Variants in GPHN observed in about 807,000 individuals in gnomAD.
The protein encoded by GPHN is gephyrin.
GPHN carries 17 observed loss-of-function variants against 95.5 expected under a neutral mutation model. The observed-to-expected ratio is 0.18, with a 90% CI of 0.12 to 0.27. GPHN has a LOEUF of 0.27. Among genes scored for constraint, GPHN ranks in the 10% least tolerant of loss-of-function variants. The probability of loss-of-function intolerance (pLI) is 1.00; values close to 1 mark genes in which losing one functional copy is unlikely to be tolerated. For synonymous variants in GPHN, 320 were observed against 322.5 expected, an observed-to-expected ratio of 0.99 and a Z score of 0.08; for missense variants, 660 against 978.1, an observed-to-expected ratio of 0.67 and a Z score of 4.34.
intron 20 of GPHN, among the ~76,000 whole-genome samples, chr14:67,167,929 AC>A (rs971325598): frequency 6.6e-6 from 1 of 152,124 alleles, no homozygotes; most frequent in African/African-American, 2.4e-5. Context: ...TTCACAGCCC[AC>A]CCTTCCTCCT....
At chr14:67,535,224 C>T in the GPHN span, among the ~76,000 whole-genome samples, 1 of 152,260 alleles carries the variant, frequency 6.6e-6, no homozygotes, top group Admixed American at 6.5e-5. Context: ...GTGGTTGCCG[C>T]TGGGGAGAAC....
the GPHN span, chr14:67,312,040 G>A: frequency 6.6e-6 from 1 of 152,588 alleles, no homozygotes; most frequent in Non-Finnish European, 1.5e-5. Flanking sequence ...TAGTAGCTGT[G>A]GTTTGGAAAT....
intron 8 of GPHN, among the ~76,000 whole-genome samples, chr14:66,932,467 T>TTTTG (rs2066874592): frequency 2.9e-5 from 4 of 136,410 alleles, no homozygotes; most frequent in Non-Finnish European, 6.3e-5. Context: ...TTTTTTTTTT[T>TTTTG]TTTTTTTTTT....
At chr14:67,141,233 A>G (rs565322701) in intron 17 of GPHN, among the ~76,000 whole-genome samples, 4 of 152,308 alleles carry the variant, frequency 2.6e-5, no homozygotes, top group East Asian at 3.9e-4. Context: ...CAGACCCTGT[A>G]AGAGAACCTC....
At chr14:67,570,332 T>A in the GPHN span, 13 of 1,055,510 alleles carry the variant, frequency 1.2e-5, no homozygotes, top group South Asian at 3.3e-4. Context: ...CTTCTAGAAT[T>A]ACTGAGGTAT....
intron 2 of GPHN, among the ~76,000 whole-genome samples, chr14:66,751,905 G>A (rs533847534): frequency 6.6e-6 from 1 of 152,152 alleles, no homozygotes; most frequent in South Asian, 2.1e-4. Flanking sequence ...ATTTAAGGTT[G>A]TCTTATCTAC....
At chr14:67,463,741 G>T in the GPHN span, among the ~76,000 whole-genome samples, 1 of 152,030 alleles carries the variant, frequency 6.6e-6, no homozygotes, top group Non-Finnish European at 1.5e-5. Flanking sequence ...CTCAGCCTAG[G>T]GGGAGGCTAG....
At chr14:66,962,276 C>T (rs2153585789) in intron 8 of GPHN, among the ~76,000 whole-genome samples, 1 of 150,628 alleles carries the variant, frequency 6.6e-6, no homozygotes. Flanking sequence ...ATTTCTGTAA[C>T]TTCAACAACT....
chr14:66,686,796 G>A (rs1595550317), intron 2 of GPHN, among the ~76,000 whole-genome samples: 1 of 152,278 alleles, frequency 6.6e-6, no homozygotes, highest in South Asian at 2.1e-4. Flanking sequence ...TGTTGAATAG[G>A]AGTGGTGAGA....
the GPHN span, among the ~76,000 whole-genome samples, chr14:67,548,672 G>A: frequency 2.0e-5 from 3 of 152,088 alleles, no homozygotes; most frequent in African/African-American, 7.2e-5. Flanking sequence ...ACTCCAGCTC[G>A]GGCGACAAGA....
Position 66,961,511 on chromosome 14 carries a change from A to G in GPHN, c.829-3680A>G, listed in dbSNP as rs114227010. ...GTAGGAATAGATATTCACACTAGAT[A>G]CAACTGCTAAAAGACTAGTTATCCA... On this transcript the variant is annotated intron_variant, in intron 8 of 22. Transcript: ENST00000478722. 3.0e-3 allele frequency among the ~76,000 whole-genome samples: 456 copies of G among 152,044 alleles called. 3 individuals carry two copies. The highest frequency in any genetic ancestry group is 0.011 in the African/African-American group (438 of 41,536).
chr14:66,705,272 T>C (rs1395896187), intron 2 of GPHN, among the ~76,000 whole-genome samples: 33 of 152,304 alleles, frequency 2.2e-4, no homozygotes, highest in South Asian at 6.2e-4. Context: ...CTGAAATTAT[T>C]CCAAACAGTT....
At chr14:66,710,789 C>T (rs999382835) in intron 2 of GPHN, among the ~76,000 whole-genome samples, 1 of 152,134 alleles carries the variant, frequency 6.6e-6, no homozygotes, top group African/African-American at 2.4e-5. Context: ...CTTTCTACAT[C>T]TGTAAACTTG....
chr14:67,453,350 C>A, the GPHN span, among the ~76,000 whole-genome samples: 2 of 152,096 alleles, frequency 1.3e-5, no homozygotes, highest in African/African-American at 2.4e-5. Flanking sequence ...AGCAGGAGAG[C>A]CTGGGTGAAG....
the GPHN span, among the ~76,000 whole-genome samples, chr14:67,276,240 C>G: frequency 3.3e-5 from 5 of 152,228 alleles, no homozygotes; most frequent in East Asian, 9.7e-4. Flanking sequence ...TCCTGCTTGT[C>G]TTTCCAGTTT....
chr14:67,042,258 T>C (rs1037601112), intron 10 of GPHN, among the ~76,000 whole-genome samples: 20 of 152,156 alleles, frequency 1.3e-4, no homozygotes, highest in African/African-American at 4.6e-4. Context: ...CAATTTTGGC[T>C]TTTGTTGCCA....
chr14:67,214,143 T>C, the GPHN span, among the ~76,000 whole-genome samples: 2 of 152,362 alleles, frequency 1.3e-5, no homozygotes, highest in African/African-American at 4.8e-5. Flanking sequence ...TTAGTTTCTT[T>C]TGCTGTGCAG....
At chr14:66,787,332 G>A (rs765550128) in intron 3 of GPHN, among the ~76,000 whole-genome samples, 6 of 152,028 alleles carry the variant, frequency 3.9e-5, no homozygotes, top group African/African-American at 1.4e-4. Flanking sequence ...GCCAAACAAA[G>A]AAATAAAAGG....
the GPHN span, chr14:67,582,246 G>A: frequency 1.2e-6 from 2 of 1,612,894 alleles, no homozygotes; most frequent in Non-Finnish European, 8.5e-7. This position sits in a 1 kb window ranked among gnomAD's most constrained non-coding sequence, Gnocchi z 5.0. Context: ...GGGTCGGGTT[G>A]CCAGCTTAGA....
Sources: gnomAD v4.1 joint callset for allele counts (sites outside exome capture counted in the v4.1 genomes callset) on GRCh38, gnomAD v4.1.1 for gene constraint, Gnocchi (gnomAD v3.1) non-coding constraint, MANE v1.5 for transcripts, NCBI Gene and HGNC (gene_info 2026-07-23, HGNC 2026-07-21) for gene names.